Variants in RASGEF1A observed in about 807,000 individuals in gnomAD.
The protein encoded by RASGEF1A is RasGEF domain family member 1A, also known as ras-GEF domain-containing family member 1A.
Under a neutral mutation model 56.4 loss-of-function variants are expected in RASGEF1A, and 18 were observed. The observed-to-expected ratio is 0.32, with a 90% CI of 0.22 to 0.47. RASGEF1A has a LOEUF of 0.47. Among genes scored for constraint, RASGEF1A ranks in the 20% least tolerant of loss-of-function variants. RASGEF1A has a pLI of 1.00. For missense variants in RASGEF1A, 422 were observed against 627.1 expected (o/e 0.67, Z 3.49); for synonymous variants, 245 against 242.6 (o/e 1.01, Z -0.09).
At chr10:43,252,492 GC>G (rs1840638462) in intron 1 of RASGEF1A, among the ~76,000 whole-genome samples, 1 of 152,080 alleles carries the variant, frequency 6.6e-6, no homozygotes, top group African/African-American at 2.4e-5. Context: ...AGGCAGGCCT[GC>G]CTGGGAAGGA....
At chr10:43,202,720 T>C (rs1839921472) in intron 3 of RASGEF1A, 2 of 465,640 alleles carry the variant, frequency 4.3e-6, no homozygotes, top group Admixed American at 4.7e-5. Flanking sequence ...ACCAGCGGAT[T>C]CCGCCCACGT....
intron 1 of RASGEF1A, among the ~76,000 whole-genome samples, chr10:43,228,501 C>A (rs755112048): frequency 6.6e-6 from 1 of 152,176 alleles, no homozygotes; most frequent in Non-Finnish European, 1.5e-5. Flanking sequence ...AGTGCAGGGC[C>A]CTCCCCACTC....
intron 1 of RASGEF1A, among the ~76,000 whole-genome samples, chr10:43,237,459 C>A (rs545484394): frequency 2.0e-5 from 3 of 150,494 alleles, no homozygotes; most frequent in African/African-American, 4.9e-5. Context: ...TCCCCTCCCC[C>A]CCACCTCCAT....
intron 1 of RASGEF1A, among the ~76,000 whole-genome samples, chr10:43,233,425 T>C (rs1209956259): frequency 3.9e-5 from 6 of 151,996 alleles, no homozygotes; most frequent in Non-Finnish European, 8.8e-5. Flanking sequence ...CTCATGTAAA[T>C]AAAAAAGTCA....
At chr10:43,207,790 A>T in intron 1 of RASGEF1A, 1 of 768,116 alleles carries the variant, frequency 1.3e-6, no homozygotes. Context: ...CTGTACCCCA[A>T]CGCGCTCTCC....
chr10:43,229,609 CT>C, intron 1 of RASGEF1A: 1 of 1,486,204 alleles, frequency 6.7e-7, no homozygotes. Flanking sequence ...GCCCCGCGGC[CT>C]TGCGCCTGGG....
chr10:43,238,406 T>C (rs1268416903), intron 1 of RASGEF1A, among the ~76,000 whole-genome samples: 1 of 152,212 alleles, frequency 6.6e-6, no homozygotes, highest in African/African-American at 2.4e-5. Flanking sequence ...CTCAGTGTAC[T>C]TCACCGAACT....
rs1254981576 is a variant in RASGEF1A, at chr10:43,200,235, G to A, written c.703C>T (p.Pro235Ser). Residue 235 changes from proline (P) to serine (S), a missense_variant, in exon 6 of 13, where the codon CCT (proline) becomes TCT (serine). Physicochemically the swap from Pro to Ser is moderately conservative, Grantham distance 74. Coordinates refer to ENST00000395810, the MANE Select transcript of RASGEF1A (RefSeq NM_145313.4). ...CTGACGATCTGCATCAAGTCCTCAG[G>A]GTAAATGCTGCTGACCCTGTCCTGG... is the stretch of plus-strand genomic sequence containing the variant. ...IELDRVSSIY[P>S]EDLMQIVSHM... 1.2e-6 allele frequency: 2 copies of A among 1,607,322 alleles called. No homozygotes were observed. The highest frequency in any genetic ancestry group is 1.7e-6 in the Non-Finnish European group (2 of 1,176,594).
intron 1 of RASGEF1A, among the ~76,000 whole-genome samples, chr10:43,224,521 G>A (rs1840248103): frequency 6.6e-6 from 1 of 152,178 alleles, no homozygotes; most frequent in Admixed American, 6.5e-5. Flanking sequence ...TGATGATTTT[G>A]CTAGATATAG....
At chr10:43,260,721 C>A (rs1383842272) in intron 1 of RASGEF1A, among the ~76,000 whole-genome samples, 1 of 152,136 alleles carries the variant, frequency 6.6e-6, no homozygotes, top group African/African-American at 2.4e-5. Context: ...TTCTCCTGTA[C>A]AACTGGGCTC....
At chr10:43,239,471 A>AAT (rs1840477098) in intron 1 of RASGEF1A, among the ~76,000 whole-genome samples, 1 of 152,134 alleles carries the variant, frequency 6.6e-6, no homozygotes, top group Non-Finnish European at 1.5e-5. Context: ...CAGAATCCAC[A>AAT]TTTTTAGAAC....
At chr10:43,245,370 A>G (rs1357317416) in intron 1 of RASGEF1A, among the ~76,000 whole-genome samples, 1 of 152,224 alleles carries the variant, frequency 6.6e-6, no homozygotes, top group Non-Finnish European at 1.5e-5. Context: ...ATTAACACCA[A>G]TCCCTTACAA....
intron 3 of RASGEF1A, among the ~76,000 whole-genome samples, chr10:43,202,293 G>A (rs1839912076): frequency 6.6e-6 from 1 of 152,242 alleles, no homozygotes; most frequent in Non-Finnish European, 1.5e-5. Flanking sequence ...CATCCAGTTA[G>A]AGGAGAGCTC....
chr10:43,215,049 C>G (rs760013121), intron 1 of RASGEF1A, among the ~76,000 whole-genome samples: 7 of 152,186 alleles, frequency 4.6e-5, no homozygotes, highest in Admixed American at 1.3e-4. Context: ...CAAGTGCAGG[C>G]TGAAGCCCTG....
At chr10:43,207,779 T>G in intron 1 of RASGEF1A, 1 of 856,108 alleles carries the variant, frequency 1.2e-6, no homozygotes, top group Non-Finnish European at 1.4e-6. Context: ...GTGGACTGCT[T>G]CTGTACCCCA....
At chr10:43,242,523 CCTCTCG>C (rs1461370752) in intron 1 of RASGEF1A, among the ~76,000 whole-genome samples, 2 of 152,062 alleles carry the variant, frequency 1.3e-5, no homozygotes, top group Non-Finnish European at 2.9e-5. Context: ...CCTCTCTCTC[CCTCTCG>C]CTCTCGCTCT....
intron 7 of RASGEF1A, 129 bp from the exon 8 acceptor site, chr10:43,199,323 G>A (rs936909156): frequency 6.9e-6 from 5 of 727,144 alleles, no homozygotes; most frequent in Admixed American, 2.1e-5. Context: ...GGCTGATCCA[G>A]GTCCATGGCT....
rs1564541586 is a variant in RASGEF1A, at chr10:43,244,407, A to ATT, written c.-7+22437_-7+22438insAA. Among the ~76,000 whole-genome samples the ATT allele has an allele frequency of 2.4e-4, 35 of 148,216 alleles. 3 individuals are homozygous for ATT. The highest frequency in any genetic ancestry group is 5.4e-4 in the Admixed American group (8 of 14,922). ...TAAATACTAAAAATAAAAAAATTAA[A>ATT]AAAAAAAATCAGAAGACTTGAACAA... On this transcript the variant is annotated intron_variant, in intron 1 of 12. Coordinates refer to ENST00000395810, the MANE Select transcript of RASGEF1A (RefSeq NM_145313.4).
chr10:43,209,846 C>G (rs971892646), intron 1 of RASGEF1A, among the ~76,000 whole-genome samples: 17 of 152,094 alleles, frequency 1.1e-4, no homozygotes, highest in African/African-American at 4.1e-4. Flanking sequence ...TGCTCTAAGG[C>G]CAGGTGTGGT....
Sources: gnomAD v4.1 joint callset for allele counts (sites outside exome capture counted in the v4.1 genomes callset) on GRCh38, gnomAD v4.1.1 for gene constraint, MANE v1.5 for transcripts, NCBI Gene and HGNC (gene_info 2026-07-23, HGNC 2026-07-21) for gene names.